Variants in RMND5A observed in about 807,000 individuals in gnomAD.
RMND5A encodes E3 ubiquitin-protein transferase RMND5A.
Under a neutral mutation model 49.7 loss-of-function variants are expected in RMND5A, and 17 were observed. That is an observed-to-expected ratio of 0.34 (90% CI 0.23 to 0.51). The LOEUF is 0.51. RMND5A is among the 20% of genes least tolerant of loss of function. The pLI is 0.96. For missense variants in RMND5A, 255 were observed against 471.3 expected, an observed-to-expected ratio of 0.54 and a Z score of 4.25; for synonymous variants, 156 against 167.7, an observed-to-expected ratio of 0.93 and a Z score of 0.54.
At chr2:86,721,341 G>A (rs1449998261) in intron 1 of RMND5A, among the ~76,000 whole-genome samples, 1 of 151,934 alleles carries the variant, frequency 6.6e-6, no homozygotes, top group Non-Finnish European at 1.5e-5. Flanking sequence ...ATTCTTAGCT[G>A]TGGGTTAACA....
chr2:86,746,344 G>T (rs528254525), intron 2 of RMND5A, among the ~76,000 whole-genome samples: 27 of 152,158 alleles, frequency 1.8e-4, no homozygotes, highest in Non-Finnish European at 7.4e-5. Flanking sequence ...GAAGCAGAAG[G>T]TTTGGTGGCA....
In RMND5A at chr2:86,774,693, G is replaced by A. The variant is rs563071341; in HGVS notation, c.*1282G>A. ...CTTCAGTATAAGAAGAACGTTACAC[G>A]GAAATCACCAAATATTTTGCAACTT... On this transcript the variant is annotated 3_prime_UTR_variant, in exon 9 of 9. Transcript: ENST00000283632. 5.2e-5 allele frequency: 8 copies of A among 152,618 alleles called. No homozygotes were observed. Among genetic ancestry groups the A allele is most frequent in the Non-Finnish European group, 8.8e-5 (6 of 68,036 alleles). The allele number at this position is 152,618 out of a possible 1,614,324, so 9.5% of individuals were successfully genotyped here.
intron 8 of RMND5A, 79 bp from the exon 9 acceptor site, chr2:86,773,269 A>C: frequency 2.7e-6 from 2 of 742,900 alleles, no homozygotes; most frequent in Non-Finnish European, 4.6e-6. Flanking sequence ...ATTGTTAAAG[A>C]TACTCTATAA....
chr2:86,752,376 A>C (rs1681651542), intron 3 of RMND5A, among the ~76,000 whole-genome samples: 1 of 152,240 alleles, frequency 6.6e-6, no homozygotes, highest in Admixed American at 6.5e-5. Flanking sequence ...GGACAAAAAC[A>C]TTGATGTTTG....
chr2:86,742,679 A>T (rs1276340312), intron 2 of RMND5A, among the ~76,000 whole-genome samples: 1 of 151,916 alleles, frequency 6.6e-6, no homozygotes, highest in African/African-American at 2.4e-5. Context: ...GAAGATTCAC[A>T]TTTTGATGTT....
intron 4 of RMND5A, among the ~76,000 whole-genome samples, chr2:86,754,044 C>T (rs2104398734): frequency 6.6e-6 from 1 of 152,298 alleles, no homozygotes; most frequent in Middle Eastern, 3.4e-3. Flanking sequence ...CCATGAACCT[C>T]TCATTGATAA....
intron 2 of RMND5A, among the ~76,000 whole-genome samples, chr2:86,743,814 C>G (rs1337866420): frequency 6.6e-6 from 1 of 151,814 alleles, no homozygotes; most frequent in Non-Finnish European, 1.5e-5. Context: ...GGCAAACTCC[C>G]ATCTCTACTA....
chr2:86,763,532 C>T (rs1021999487), intron 4 of RMND5A, among the ~76,000 whole-genome samples: 3 of 152,180 alleles, frequency 2.0e-5, no homozygotes, highest in African/African-American at 7.2e-5. Flanking sequence ...GTAACCGCAG[C>T]ACTTTGGGAA....
rs1471043187 is a variant in RMND5A at position 86,770,043 on chromosome 2, C to G, written c.875C>G (p.Ala292Gly). 1 of 1,613,730 alleles carries G rather than the reference C, an allele frequency of 6.2e-7. No individual in the cohort carries two copies. Among genetic ancestry groups the G allele is most frequent in the South Asian group, 1.1e-5 (1 of 91,070 alleles). The change falls in exon 7 of 9, where the codon GCG (alanine) becomes GGG (glycine). Residue 292 changes from alanine to glycine, a missense_variant. Physicochemically the swap from Ala to Gly is moderately conservative, Grantham distance 60. This residue lies in a region of RMND5A where 208 missense variants were observed against 339.8 expected (regional missense o/e 0.61). Coordinates refer to ENST00000283632, the MANE Select transcript of RMND5A (RefSeq NM_022780.4). ...CCCAGTTTCTCAGCAGGTTGTGTGG[C>G]GCTGCCAGCTTTAATTAACATCAAA... is the stretch of plus-strand genomic sequence containing the variant. ...LSVSFSAGCV[A>G]LPALINIKAV...
chr2:86,750,273 T>C (rs550550214), intron 2 of RMND5A, among the ~76,000 whole-genome samples: 3 of 152,364 alleles, frequency 2.0e-5, no homozygotes, highest in South Asian at 2.1e-4. Context: ...CTGAAGACTT[T>C]AGCAATACTT....
At position 86,771,520 on chromosome 2, in the gene RMND5A, G is replaced by T; in HGVS notation, c.958-38G>T. On this transcript the variant is annotated intron_variant, in intron 7 of 8. Transcript: ENST00000283632. ...CCATGTGGATGGTTTTGTGAAATAT[G>T]ACTTCAGCTTTTTTACTTTTTTTTT... 4 of 1,569,616 alleles carry T rather than the reference G, an allele frequency of 2.5e-6. No homozygotes were observed. The South Asian group carries it at 4.6e-5, about 18-fold the overall frequency.
At chr2:86,764,999 C>T (rs775823559) in intron 4 of RMND5A, 28 bp from the exon 5 acceptor site, 4 of 1,575,520 alleles carry the variant, frequency 2.5e-6, no homozygotes, top group Non-Finnish European at 3.4e-6. Context: ...GCTTTTGATT[C>T]TTAAAGTCTT....
Position 86,776,310 on chromosome 2 carries a change from CTCTT to C in RMND5A, c.*2901_*2904del, listed in dbSNP as rs533312471. ...TACATAAATGAACGGGTATTGGTGC[CTCTT>C]TATTTTAAAAAATTTGAAGAAAAGA... On this transcript the variant is annotated 3_prime_UTR_variant, in exon 9 of 9. Transcript: ENST00000283632. The C allele has an allele frequency of 2.1e-4, 32 of 152,246 alleles. No individual in the cohort carries two copies. The highest frequency in any genetic ancestry group is 7.5e-4 in the African/African-American group (31 of 41,534). 9.4% of individuals were successfully genotyped at this position (152,246 alleles called of 1,614,324 possible).
At chr2:86,729,024 G>T (rs1681315188) in intron 1 of RMND5A, among the ~76,000 whole-genome samples, 1 of 152,120 alleles carries the variant, frequency 6.6e-6, no homozygotes, top group Non-Finnish European at 1.5e-5. Flanking sequence ...AAAGTGCTAG[G>T]ATTATAGGCG....
At chr2:86,767,821 A>C (rs945756873) in intron 6 of RMND5A, among the ~76,000 whole-genome samples, 1 of 152,208 alleles carries the variant, frequency 6.6e-6, no homozygotes, top group African/African-American at 2.4e-5. Context: ...GTGTGGTATT[A>C]AGGAGGAGTA....
Position 86,777,002 on chromosome 2 carries a change from T to C in RMND5A, c.*3591T>C, listed in dbSNP as rs1242498301. 4 of 152,204 alleles carry C rather than the reference T, an allele frequency of 2.6e-5. No individual in the cohort carries two copies. The highest frequency in any genetic ancestry group is 2.0e-4 in the Admixed American group (3 of 15,288). 9.4% of individuals were successfully genotyped at this position (152,204 alleles called of 1,614,324 possible). ...AGCAGGTACAAGCTTCATGAACCGT[T>C]CTTAATGAACTATAATTGAATAGAT... On this transcript the variant is annotated 3_prime_UTR_variant, in exon 9 of 9. Coordinates refer to ENST00000283632, the MANE Select transcript of RMND5A (RefSeq NM_022780.4).
intron 2 of RMND5A, among the ~76,000 whole-genome samples, chr2:86,747,519 A>G (rs1450528619): frequency 6.6e-6 from 1 of 152,192 alleles, no homozygotes; most frequent in African/African-American, 2.4e-5. Flanking sequence ...GCTAAACCAG[A>G]TTAACTGGAT....
At chr2:86,759,790 ACT>A (rs900648110) in intron 4 of RMND5A, among the ~76,000 whole-genome samples, 2 of 151,502 alleles carry the variant, frequency 1.3e-5, no homozygotes, top group African/African-American at 2.4e-5. Context: ...ACAGAATGAG[ACT>A]CTGTCTCAAA....
At position 86,773,507 on chromosome 2, in the gene RMND5A, T is replaced by C. The variant is rs886227128; in HGVS notation, c.*96T>C. 1.4e-5 allele frequency: 11 copies of C among 773,448 alleles called. No individual in the cohort carries two copies. The highest frequency in any genetic ancestry group is 3.4e-5 in the African/African-American group (2 of 58,206). 47.9% of individuals were successfully genotyped at this position (773,448 alleles called of 1,614,324 possible). ...TATAATGCAGCTAACCAAGGACTCCTGTGTTTCTATAAGCTAATGCTCCAG... is the reference window on the plus strand; with the variant it reads ...TATAATGCAGCTAACCAAGGACTCCCGTGTTTCTATAAGCTAATGCTCCAG... On this transcript the variant is annotated 3_prime_UTR_variant, in exon 9 of 9. Transcript: ENST00000283632.
Sources: gnomAD v4.1 joint callset for allele counts (sites outside exome capture counted in the v4.1 genomes callset) on GRCh38, gnomAD v4.1.1 for gene constraint, gnomAD v4.1.1 regional missense constraint, MANE v1.5 for transcripts, NCBI Gene and HGNC (gene_info 2026-07-23, HGNC 2026-07-21) for gene names.